The following CSMD2 variants were observed in gnomAD, a reference collection of about 807,000 sequenced individuals.
CSMD2 encodes CUB and sushi domain-containing protein 2.
CSMD2 carries 130 observed loss-of-function variants against 398.5 expected under a neutral mutation model. The ratio of observed to expected loss-of-function variants is 0.33; its 90% confidence interval spans 0.28 to 0.38. The LOEUF (loss-of-function observed/expected upper bound fraction) is 0.38, where lower values mean the gene tolerates loss of function less well. Ranked by LOEUF, CSMD2 falls within the 10% of genes least tolerant of loss-of-function variation. The pLI, the probability that CSMD2 is intolerant of heterozygous loss-of-function variation, is 1.00. For missense variants in CSMD2, 3,829 were observed against 4,764.9 expected (o/e 0.80, Z 5.78); for synonymous variants, 1,828 against 1,908.5 (o/e 0.96, Z 1.10).
chr1:33,550,378 G>T, intron 55 of CSMD2, 28 bp from the exon 56 acceptor site: 1 of 1,605,746 alleles, frequency 6.2e-7, no homozygotes, highest in South Asian at 1.1e-5. Flanking sequence ...ACATCTCAAT[G>T]ACTCTGCACA....
At chr1:33,677,247 C>T (rs1183191213) in intron 25 of CSMD2, among the ~76,000 whole-genome samples, 1 of 152,158 alleles carries the variant, frequency 6.6e-6, no homozygotes, top group Admixed American at 6.5e-5. Context: ...CTACAGTGAA[C>T]TCAAACAAAT....
At chr1:33,696,027 C>T in intron 24 of CSMD2, among the ~76,000 whole-genome samples, 1 of 152,188 alleles carries the variant, frequency 6.6e-6, no homozygotes. Context: ...GCAGCAGGGA[C>T]CTTGTCTTAT....
chr1:33,647,926 T>A (rs1391632512), intron 28 of CSMD2, among the ~76,000 whole-genome samples: 1 of 152,218 alleles, frequency 6.6e-6, no homozygotes, highest in Non-Finnish European at 1.5e-5. Context: ...ATAGGACCAA[T>A]GATTAATAGC....
At chr1:33,808,347 T>C (rs963204390) in intron 10 of CSMD2, among the ~76,000 whole-genome samples, 20 of 151,804 alleles carry the variant, frequency 1.3e-4, no homozygotes, top group African/African-American at 4.8e-4. Context: ...AGAATCTATG[T>C]GAAAAATGAC....
At chr1:34,082,527 G>T (rs563358158) in intron 2 of CSMD2, among the ~76,000 whole-genome samples, 1 of 152,060 alleles carries the variant, frequency 6.6e-6, no homozygotes, top group Non-Finnish European at 1.5e-5. Context: ...CCACGTCTGG[G>T]GGGTGGGGGG....
intron 28 of CSMD2, among the ~76,000 whole-genome samples, chr1:33,650,594 C>A (rs114236918): frequency 6.6e-6 from 1 of 152,052 alleles, no homozygotes; most frequent in Admixed American, 6.5e-5. Context: ...GGTAGGCAAG[C>A]ACCAGATTGT....
chr1:33,750,456 T>A (rs1210957427), intron 13 of CSMD2, among the ~76,000 whole-genome samples: 2 of 152,142 alleles, frequency 1.3e-5, no homozygotes, highest in African/African-American at 4.8e-5. Context: ...CTGCCCATGG[T>A]CATACAGTCA....
At chr1:33,923,904 T>C (rs1644034154) in intron 4 of CSMD2, among the ~76,000 whole-genome samples, 1 of 152,122 alleles carries the variant, frequency 6.6e-6, no homozygotes, top group African/African-American at 2.4e-5. Flanking sequence ...CATGGAAACA[T>C]TGTCTTCCAT....
chr1:34,016,232 C>T lies in CSMD2; in HGVS notation c.517+16362G>A, dbSNP rs535404093. On this transcript the variant is annotated intron_variant, in intron 3 of 70. Transcript: ENST00000373381. ...ATACATGTGCCATGGTGGTTTGCTG[C>T]ACCTATCAACCCGTCATCTAGGTTT... Among the ~76,000 whole-genome samples the T allele has an allele frequency of 5.3e-5, 8 of 152,150 alleles. No homozygotes were observed. In the South Asian group the frequency reaches 1.5e-3, roughly 28 times the overall value.
chr1:34,033,493 C>T (rs1426517721), intron 2 of CSMD2, among the ~76,000 whole-genome samples: 1 of 152,222 alleles, frequency 6.6e-6, no homozygotes, highest in African/African-American at 2.4e-5. Context: ...AAAGATACCA[C>T]TGAACACTTG....
At position 33,625,094 on chromosome 1, in the gene CSMD2, A is replaced by G. The variant is rs766783888; in HGVS notation, c.5457T>C (p.Pro1819=). 2.5e-6 allele frequency: 4 copies of G among 1,613,942 alleles called. No individual in the cohort carries two copies. In the South Asian group the frequency reaches 4.4e-5, roughly 18 times the overall value. Residue 1819 remains proline (P), a synonymous_variant, in exon 34 of 71, where the codon CCT becomes CCC. Transcript: ENST00000373381. ...AGACATTCCATTGGGCCAAGGCCCCAGGCACAGGGAGGCACTCGATCTCTG... is the reference window on the plus strand; with the variant it reads ...AGACATTCCATTGGGCCAAGGCCCCGGGCACAGGGAGGCACTCGATCTCTG... ...GSPEIECLPV[P]GALAQWNVSA... is the part of the protein sequence containing the mutation.
Position 33,965,753 on chromosome 1 carries a change from G to T in CSMD2, c.518-29799C>A, listed in dbSNP as rs1455970050. Among the ~76,000 whole-genome samples the T allele has an allele frequency of 2.0e-5, 3 of 152,194 alleles. No individual in the cohort carries two copies. The East Asian group carries it at 5.8e-4, about 29-fold the overall frequency. On this transcript the variant is annotated intron_variant, in intron 3 of 70. Coordinates refer to ENST00000373381, the MANE Select transcript of CSMD2 (RefSeq NM_001281956.2). ...AAAAAATGGTTCAGAATTTCAAGAT[G>T]GTCATAGCAGAGCATAATACCATGC... is the stretch of plus-strand genomic sequence containing the variant.
Position 33,698,910 on chromosome 1 carries a change from G to T in CSMD2, c.3768C>A (p.Thr1256=). ...FELIKCEDPG[T]PKFGYKVHDE... ...CATGAACCTTGTAGCCAAACTTGGG[G>T]GTTCCTGGGTCCTCACATTTGATGA... is the stretch of plus-strand genomic sequence containing the variant. The change falls in exon 24 of 71, where the codon ACC becomes ACA. Residue 1256 remains threonine (T), a synonymous_variant. Coordinates refer to ENST00000373381, the MANE Select transcript of CSMD2 (RefSeq NM_001281956.2). The T allele has an allele frequency of 6.2e-7, 1 of 1,614,056 alleles. No homozygotes were observed. The highest frequency in any genetic ancestry group is 8.5e-7 in the Non-Finnish European group (1 of 1,179,966).
intron 39 of CSMD2, among the ~76,000 whole-genome samples, chr1:33,615,649 G>A (rs1172323885): frequency 1.3e-5 from 2 of 152,184 alleles, no homozygotes; most frequent in African/African-American, 4.8e-5. Flanking sequence ...CATTTACTTG[G>A]GACAAGGCTG....
At position 33,624,718 on chromosome 1, in the gene CSMD2, T is replaced by A; in HGVS notation, c.5501-75A>T. The A allele has an allele frequency of 6.4e-7, 1 of 1,554,796 alleles. No individual in the cohort carries two copies. Among genetic ancestry groups the A allele is most frequent in the Non-Finnish European group, 8.7e-7 (1 of 1,145,020 alleles). On this transcript the variant is annotated intron_variant, in intron 34 of 70. Transcript: ENST00000373381. The surrounding 1 kb of genome is among the most constrained non-coding windows in gnomAD (Gnocchi z 4.7). ...CCTTCCCAAGCTGACTCCTCCCTCA[T>A]GGCCCCCAGCCTCTGTTTGTCCTCC...
rs372845386 is a variant in CSMD2 at position 33,943,325 on chromosome 1, T to G, written c.518-7371A>C. 1.2e-3 allele frequency among the ~76,000 whole-genome samples: 189 copies of G among 152,280 alleles called. 1 individual carries two copies. In the East Asian group the frequency reaches 0.027, roughly 22 times the overall value. ...CTTCTCTCATCTTGTCCTCTCTACC[T>G]TTTCTCTCAAATTCTTCATCTGGCA... On this transcript the variant is annotated intron_variant, in intron 3 of 70. Coordinates refer to ENST00000373381, the MANE Select transcript of CSMD2 (RefSeq NM_001281956.2).
intron 22 of CSMD2, among the ~76,000 whole-genome samples, chr1:33,704,864 G>A (rs537157861): frequency 1.1e-4 from 17 of 151,856 alleles, no homozygotes; most frequent in Admixed American, 8.5e-4. Context: ...CCAGGTTCAC[G>A]CCATTCTCCT....
rs1345080636 is a variant in CSMD2 at position 33,633,406 on chromosome 1, G to C, written c.5200+16C>G. 5 of 1,539,626 alleles carry C rather than the reference G, an allele frequency of 3.2e-6. No individual in the cohort carries two copies. Among genetic ancestry groups the C allele is most frequent in the Non-Finnish European group, 4.4e-6 (5 of 1,137,224 alleles). ...CCGGCCCACAACCATCCCCACACTGGCCGAGCCCCGGATACCTGTATGGGA... is the reference window on the plus strand; with the variant it reads ...CCGGCCCACAACCATCCCCACACTGCCCGAGCCCCGGATACCTGTATGGGA... On this transcript the variant is annotated intron_variant, in intron 32 of 70. Coordinates refer to ENST00000373381, the MANE Select transcript of CSMD2 (RefSeq NM_001281956.2). This position sits in a 1 kb window ranked among gnomAD's most constrained non-coding sequence, Gnocchi z 5.0.
chr1:34,114,294 TTTGTTGTTG>T lies in CSMD2; in HGVS notation c.188-25110_188-25102del, dbSNP rs71571768. ...ACTCTGTAAAGACTGGGAGAACTCC[TTTGTTGTTG>T]TTGTTGTTGTTGTTGTTTTTCAAAT... On this transcript the variant is annotated intron_variant, in intron 1 of 70. Coordinates refer to ENST00000373381, the MANE Select transcript of CSMD2 (RefSeq NM_001281956.2). 6.0e-3 allele frequency among the ~76,000 whole-genome samples: 899 copies of T among 150,762 alleles called. 15 individuals are homozygous for T. Among genetic ancestry groups the T allele is most frequent in the African/African-American group, 0.021 (851 of 41,044 alleles).
Sources: allele counts gnomAD v4.1 joint callset (sites outside exome capture counted in the v4.1 genomes callset), GRCh38; gene constraint gnomAD v4.1.1; non-coding constraint Gnocchi (gnomAD v3.1); transcripts MANE v1.5; gene names NCBI Gene and HGNC (gene_info 2026-07-23, HGNC 2026-07-21).